The following ROBO2 variants were observed in gnomAD, a reference collection of about 807,000 sequenced individuals.
ROBO2 encodes the protein roundabout guidance receptor 2, also known as roundabout homolog 2.
Under a neutral mutation model 160.8 loss-of-function variants are expected in ROBO2, and 53 were observed. That is an observed-to-expected ratio of 0.33 (90% confidence interval 0.26 to 0.41). ROBO2 has a LOEUF of 0.41. Ranked by LOEUF, ROBO2 falls within the 10% of genes least tolerant of loss-of-function variation. The probability of loss-of-function intolerance (pLI) is 1.00; values close to 1 mark genes in which losing one functional copy is unlikely to be tolerated. For missense variants in ROBO2, 1,577 were observed against 1,722.4 expected (o/e 0.92, Z 1.49); for synonymous variants, 664 against 611.7 (o/e 1.09, Z -1.26).
At position 76,262,865 on chromosome 3, in the gene ROBO2, A is replaced by C. The variant is rs376523708; in HGVS notation, c.109+325263A>C. Among the ~76,000 whole-genome samples, 25 of 152,152 alleles carry C rather than the reference A, an allele frequency of 1.6e-4. No homozygotes were observed. The East Asian group carries it at 1.9e-3, about 12-fold the overall frequency. ...ATGCTTGGTAGGGCACAGCTACTGC[A>C]TACTTCTACCAAATTGGTTCCAAAT... On this transcript the variant is annotated intron_variant, in intron 2 of 26. Coordinates refer to the ROBO2 transcript ENST00000487694.
chr3:76,989,936 T>C (rs1280340369), intron 2 of ROBO2, among the ~76,000 whole-genome samples: 4 of 152,162 alleles, frequency 2.6e-5, no homozygotes, highest in African/African-American at 7.2e-5. Context: ...TATTCACTTT[T>C]GTTGCTCCTG....
At position 77,385,940 on chromosome 3, in the gene ROBO2, A is replaced by G. The variant is rs570281274; in HGVS notation, c.389-91474A>G. Among the ~76,000 whole-genome samples the G allele has an allele frequency of 1.1e-3, 165 of 152,328 alleles. 3 individuals are homozygous for G. Among genetic ancestry groups the G allele is most frequent in the Non-Finnish European group, 5.4e-4 (37 of 68,022 alleles). On this transcript the variant is annotated intron_variant, in intron 2 of 25. Transcript: ENST00000461745. ...CTAAATCTAAAAGTGAAATCTAACA[A>G]TAGCAACCACCACAAGAAAGAGAAA...
At chr3:76,635,799 A>T (rs1402792592) in intron 2 of ROBO2, among the ~76,000 whole-genome samples, 1 of 152,240 alleles carries the variant, frequency 6.6e-6, no homozygotes, top group Non-Finnish European at 1.5e-5. Context: ...TTAGAATTTA[A>T]CAGAATTGTT....
At chr3:77,296,470 G>A (rs1333073654) in intron 2 of ROBO2, among the ~76,000 whole-genome samples, 1 of 152,132 alleles carries the variant, frequency 6.6e-6, no homozygotes, top group Non-Finnish European at 1.5e-5. Flanking sequence ...GCTGCACATT[G>A]GACTTGCCTC....
At chr3:76,025,175 T>A (rs1028618370) in intron 2 of ROBO2, among the ~76,000 whole-genome samples, 5 of 151,566 alleles carry the variant, frequency 3.3e-5, no homozygotes, top group Non-Finnish European at 5.9e-5. Flanking sequence ...TTTTAAATAA[T>A]GCTAAATATT....
Position 76,340,684 on chromosome 3 carries a change from G to A in ROBO2, c.109+403082G>A, listed in dbSNP as rs139348431. ...GGAAGGGCATTTGTTTAATGGTTGG[G>A]AGAGCCCGGCAAGTTGTCATTCATT... On this transcript the variant is annotated intron_variant, in intron 2 of 26. Transcript: ENST00000487694. Among the ~76,000 whole-genome samples the A allele has an allele frequency of 2.3e-3, 357 of 152,122 alleles. 2 individuals are homozygous for A. The highest frequency in any genetic ancestry group is 3.8e-3 in the Non-Finnish European group (261 of 67,962).
intron 2 of ROBO2, among the ~76,000 whole-genome samples, chr3:76,980,257 A>G (rs928863258): frequency 6.6e-6 from 1 of 152,204 alleles, no homozygotes; most frequent in Admixed American, 6.5e-5. Context: ...TTAAACCACA[A>G]TGGGCCTAAG....
intron 2 of ROBO2, among the ~76,000 whole-genome samples, chr3:76,999,180 T>G (rs1013548188): frequency 1.3e-5 from 2 of 151,700 alleles, no homozygotes; most frequent in African/African-American, 4.8e-5. Flanking sequence ...GTAAAATGAG[T>G]AATGATCTTG....
chr3:76,335,710 TG>T (rs933669104), intron 2 of ROBO2, among the ~76,000 whole-genome samples: 33 of 152,040 alleles, frequency 2.2e-4, no homozygotes, highest in African/African-American at 8.0e-4. Context: ...CCCGAGCAGC[TG>T]GGACTACAGG....
rs1560218744 is a variant in ROBO2, at chr3:76,603,346, A to T, written c.110-494668A>T. ...GACTCCATCTCCAAAAAAAAAAAAA[A>T]AAAAAATATATATATATATATATAT... On this transcript the variant is annotated intron_variant, in intron 2 of 26. Coordinates refer to the ROBO2 transcript ENST00000487694. Among the ~76,000 whole-genome samples the T allele has an allele frequency of 3.1e-3, 175 of 56,946 alleles. 1 individual carries two copies. Among genetic ancestry groups the T allele is most frequent in the African/African-American group, 0.011 (173 of 15,164 alleles). 37.4% of individuals were successfully genotyped at this position (56,946 alleles called of 152,430 possible).
At chr3:75,986,759 T>C (rs1056309088) in intron 2 of ROBO2, among the ~76,000 whole-genome samples, 25 of 151,738 alleles carry the variant, frequency 1.6e-4, no homozygotes, top group Admixed American at 1.6e-3. Flanking sequence ...CATTATTTTA[T>C]ATGTGATTCT....
chr3:77,102,219 G>T (rs976073509), intron 2 of ROBO2, among the ~76,000 whole-genome samples: 1 of 152,204 alleles, frequency 6.6e-6, no homozygotes, highest in South Asian at 2.1e-4. Flanking sequence ...TCTGAATGGA[G>T]CATGGAGAAT....
At chr3:76,688,744 A>T (rs2092736843) in intron 2 of ROBO2, among the ~76,000 whole-genome samples, 1 of 151,958 alleles carries the variant, frequency 6.6e-6, no homozygotes, top group Non-Finnish European at 1.5e-5. Flanking sequence ...CCTTGTAATC[A>T]TCTTTCTCAT....
At chr3:76,917,361 T>G (rs2076385953) in intron 2 of ROBO2, among the ~76,000 whole-genome samples, 1 of 152,174 alleles carries the variant, frequency 6.6e-6, no homozygotes, top group South Asian at 2.1e-4. Flanking sequence ...TTGCAATACC[T>G]GCAGGCAACA....
intron 2 of ROBO2, among the ~76,000 whole-genome samples, chr3:77,160,588 C>A (rs1173424402): frequency 1.3e-5 from 2 of 152,136 alleles, no homozygotes; most frequent in African/African-American, 4.8e-5. Flanking sequence ...CTGAATTATT[C>A]TGTTCTATAA....
chr3:76,239,390 T>TA (rs1705156490), intron 2 of ROBO2, among the ~76,000 whole-genome samples: 1 of 151,916 alleles, frequency 6.6e-6, no homozygotes, highest in Admixed American at 6.6e-5. Context: ...ATATAGTATG[T>TA]ATCTAGATAA....
chr3:76,284,397 G>A (rs540615171), intron 2 of ROBO2, among the ~76,000 whole-genome samples: 112 of 143,592 alleles, frequency 7.8e-4, no homozygotes, highest in African/African-American at 3.0e-3. Context: ...TCCAGGGAGT[G>A]TGACTCCTAT....
rs562665280 is a variant in ROBO2 at position 76,882,703 on chromosome 3, G to A, written c.110-215311G>A. ...TTTTAAAAATCTATCAGAATCTTAC[G>A]GGGAAAACATTTTTCCCATTTCTTA... is the stretch of plus-strand genomic sequence containing the variant. On this transcript the variant is annotated intron_variant, in intron 2 of 26. Coordinates refer to the ROBO2 transcript ENST00000487694. 1.8e-3 allele frequency among the ~76,000 whole-genome samples: 271 copies of A among 151,990 alleles called. 1 individual carries two copies. Among genetic ancestry groups the A allele is most frequent in the Admixed American group, 3.2e-3 (49 of 15,256 alleles).
At chr3:76,259,701 TGGTTTCCTAA>T (rs1440628603) in intron 2 of ROBO2, among the ~76,000 whole-genome samples, 1 of 152,150 alleles carries the variant, frequency 6.6e-6, no homozygotes, top group Non-Finnish European at 1.5e-5. Flanking sequence ...TAAGAAGTGG[TGGTTTCCTAA>T]GCTTTGGGCT....
Sources: gnomAD v4.1 joint callset for allele counts (sites outside exome capture counted in the v4.1 genomes callset) on GRCh38, gnomAD v4.1.1 for gene constraint, MANE v1.5 for transcripts, NCBI Gene and HGNC (gene_info 2026-07-23, HGNC 2026-07-21) for gene names.